GAB4: variants seen among roughly 807,000 people sequenced by gnomAD.
GAB4 encodes GRB2 associated binding protein family member 4, also known as GRB2-associated-binding protein 4.
Under a neutral mutation model 51.3 loss-of-function variants are expected in GAB4, and 26 were observed. The ratio of observed to expected loss-of-function variants is 0.51; its 90% CI spans 0.37 to 0.70. The LOEUF is 0.70. GAB4 is among the 30% of genes least tolerant of loss of function. GAB4 has a pLI of 0.00. For missense variants in GAB4, 759 were observed against 734.6 expected (o/e 1.03, Z -0.38); for synonymous variants, 329 against 291.2 (o/e 1.13, Z -1.32).
rs182948629 is a variant in GAB4 at position 16,969,571 on chromosome 22, C to T, written c.937+372G>A. On this transcript the variant is annotated intron_variant, in intron 4 of 9. Transcript: ENST00000400588. ...GCTAACCACTGAGAACCCGGTGCCA[C>T]CTCCCCTCTCCCTCTGGGTCTCAGT... 2,151 of 488,380 alleles carry T rather than the reference C, an allele frequency of 4.4e-3. 14 individuals are homozygous for T. Among genetic ancestry groups the T allele is most frequent in the Non-Finnish European group, 4.8e-3 (1,357 of 279,812 alleles). 30.3% of individuals were successfully genotyped at this position (488,380 alleles called of 1,614,324 possible). A position where few individuals can be genotyped will look rare whatever the true frequency, so the allele number is the denominator to read the frequency against.
intron 3 of GAB4, among the ~76,000 whole-genome samples, chr22:16,987,682 T>C (rs894672321): frequency 4.6e-5 from 7 of 152,352 alleles, no homozygotes; most frequent in East Asian, 1.9e-4. Flanking sequence ...TAGCCTCTAA[T>C]GCTTTTTTCC....
At chr22:17,006,695 T>C (rs2061042660) in intron 1 of GAB4, among the ~76,000 whole-genome samples, 1 of 152,240 alleles carries the variant, frequency 6.6e-6, no homozygotes, top group African/African-American at 2.4e-5. Flanking sequence ...AATGAGTTCA[T>C]GTTCTTTACA....
chr22:16,984,893 T>C (rs1457035584), intron 3 of GAB4, among the ~76,000 whole-genome samples: 5 of 152,190 alleles, frequency 3.3e-5, no homozygotes, highest in African/African-American at 9.7e-5. Context: ...AGATGGAGTT[T>C]CCAGGAAAGT....
At chr22:16,975,515 G>A (rs1032516142) in intron 3 of GAB4, among the ~76,000 whole-genome samples, 5 of 152,214 alleles carry the variant, frequency 3.3e-5, no homozygotes, top group African/African-American at 1.2e-4. Context: ...CCGAGTCAGG[G>A]GTTTATAGAT....
At chr22:16,977,238 A>G (rs1442599646) in intron 3 of GAB4, among the ~76,000 whole-genome samples, 4 of 152,190 alleles carry the variant, frequency 2.6e-5, no homozygotes, top group Non-Finnish European at 5.9e-5. Context: ...AATTGGATAA[A>G]GAGTCAAGAC....
chr22:17,002,469 A>G (rs1265701057), intron 1 of GAB4, among the ~76,000 whole-genome samples: 3 of 152,218 alleles, frequency 2.0e-5, no homozygotes, highest in Admixed American at 1.3e-4. Context: ...AAAAACTGGT[A>G]CCAGCAACTG....
intron 1 of GAB4, among the ~76,000 whole-genome samples, chr22:17,006,213 T>A (rs1416433710): frequency 6.6e-6 from 1 of 152,126 alleles, no homozygotes; most frequent in Non-Finnish European, 1.5e-5. Flanking sequence ...GGGCAAAGGA[T>A]ATGAACAGAC....
At chr22:16,974,692 T>G (rs2060761993) in intron 3 of GAB4, among the ~76,000 whole-genome samples, 1 of 152,166 alleles carries the variant, frequency 6.6e-6, no homozygotes, top group South Asian at 2.1e-4. Context: ...AAATAAACAC[T>G]TTAAAAACCT....
In GAB4 at chr22:17,008,070, A is replaced by C. The variant is rs1346703375; in HGVS notation, c.45T>G (p.Pro15=). 1 of 1,607,846 alleles carries C rather than the reference A, an allele frequency of 6.2e-7. No individual in the cohort carries two copies. The highest frequency in any genetic ancestry group is 1.7e-5 in the Admixed American group (1 of 59,276). Residue 15 remains proline, a synonymous_variant, in exon 1 of 10, where the codon CCT becomes CCG. Coordinates refer to ENST00000400588, the MANE Select transcript of GAB4 (RefSeq NM_001037814.1). ...SPSPSRELCP[P]DPAFAPLSSW... is the part of the protein sequence containing the mutation. ...AAGACAAAGGCGCAAATGCCGGGTC[A>C]GGTGGGCACAGCTCCCGGGAGGGTG...
intron 1 of GAB4, among the ~76,000 whole-genome samples, chr22:17,001,098 A>T (rs1479555259): frequency 1.3e-5 from 2 of 152,142 alleles, no homozygotes; most frequent in Non-Finnish European, 2.9e-5. Flanking sequence ...AACTTTGGTG[A>T]ATCTGACAAT....
rs567318508 is a variant in GAB4, at chr22:17,001,071, AT to A, written c.174+6869del. Reference sequence around the variant, plus strand: ...ACCTTTCTCTCTGGCTGACTTCAACATTTTTTCTTTCATTTCAACTTTGGTG... The same window carrying A: ...ACCTTTCTCTCTGGCTGACTTCAACATTTTTCTTTCATTTCAACTTTGGTG... On this transcript the variant is annotated intron_variant, in intron 1 of 9. Coordinates refer to ENST00000400588, the MANE Select transcript of GAB4 (RefSeq NM_001037814.1). 1.3e-4 allele frequency among the ~76,000 whole-genome samples: 20 copies of A among 152,104 alleles called. No homozygotes were observed. The East Asian group carries it at 2.1e-3, about 16-fold the overall frequency.
At chr22:17,004,803 C>G (rs911681564) in intron 1 of GAB4, among the ~76,000 whole-genome samples, 1 of 152,120 alleles carries the variant, frequency 6.6e-6, no homozygotes, top group African/African-American at 2.4e-5. Context: ...AATTCAACAC[C>G]CCTTCGTGCT....
chr22:16,969,225 T>G lies in GAB4; in HGVS notation c.937+718A>C, dbSNP rs2060709033. On this transcript the variant is annotated intron_variant, in intron 4 of 9. Coordinates refer to ENST00000400588, the MANE Select transcript of GAB4 (RefSeq NM_001037814.1). ...AATATTTTGAAGATCTCATTTTGTT[T>G]CAACAGTCTGTTAGTCCACACTGGT... Among the ~76,000 whole-genome samples the G allele has an allele frequency of 3.3e-5, 5 of 152,384 alleles. No individual in the cohort carries two copies. In the South Asian group the frequency reaches 1.0e-3, roughly 32 times the overall value.
At position 16,962,793 on chromosome 22, in the gene GAB4, G is replaced by A. The variant is rs766020536; in HGVS notation, c.1665C>T (p.Thr555=). The change falls in exon 10 of 10, where the codon ACC becomes ACT. Residue 555 remains threonine (T), a synonymous_variant. Transcript: ENST00000400588. ...GCCGCAGGCACATCTGTTCATGCAT[G>A]GTCTTCTGCAGGGCCTGGGTCTTCT... ...DLEKTQALQK[T]MHEQMCLRQS... is the part of the protein sequence containing the mutation. 8 of 1,613,578 alleles carry A rather than the reference G, an allele frequency of 5.0e-6. No individual in the cohort carries two copies. In the African/African-American group the frequency reaches 5.3e-5, roughly 11 times the overall value.
intron 1 of GAB4, among the ~76,000 whole-genome samples, chr22:17,001,319 T>G (rs914674991): frequency 1.3e-5 from 2 of 152,216 alleles, no homozygotes; most frequent in African/African-American, 4.8e-5. Context: ...CCCATGTTTC[T>G]TGGATGCTTT....
chr22:16,988,760 C>A (rs1329822571), intron 2 of GAB4, among the ~76,000 whole-genome samples: 1 of 152,200 alleles, frequency 6.6e-6, no homozygotes, highest in Non-Finnish European at 1.5e-5. Flanking sequence ...GCAGAACCTA[C>A]GAGGCCTTTC....
rs192904995 is a variant in GAB4, at chr22:16,965,951, T to C, written c.1288+149A>G. The stretch of plus-strand genomic sequence containing the variant: ...AACAAACCCGGGAAGTAGGAGTTAC[T>C]ATCTCCATTTCACAGAGGAGAAAAC... On this transcript the variant is annotated intron_variant, in intron 6 of 9. Transcript: ENST00000400588. The C allele has an allele frequency of 2.4e-5, 18 of 738,662 alleles. No homozygotes were observed. The African/African-American group carries it at 3.0e-4, about 12-fold the overall frequency. The allele number at this position is 738,662 out of a possible 1,614,324, so 45.8% of individuals were successfully genotyped here.
At chr22:16,969,631 T>C (rs879222896) in intron 4 of GAB4, 2 of 631,370 alleles carry the variant, frequency 3.2e-6, no homozygotes, top group South Asian at 3.9e-5. Context: ...CATCGGCTGT[T>C]GTCTACTGCA....
chr22:17,007,490 T>C (rs1298884314), intron 1 of GAB4, among the ~76,000 whole-genome samples: 1 of 144,806 alleles, frequency 6.9e-6, no homozygotes, highest in African/African-American at 2.6e-5. Context: ...GGGTGTGAGG[T>C]GCCTGCCTTC....
Sources: allele counts gnomAD v4.1 joint callset (sites outside exome capture counted in the v4.1 genomes callset), GRCh38; gene constraint gnomAD v4.1.1; transcripts MANE v1.5; gene names NCBI Gene and HGNC (gene_info 2026-07-23, HGNC 2026-07-21).